ARHGAP12: variants seen among roughly 807,000 people sequenced by gnomAD.
ARHGAP12 encodes the protein Rho GTPase activating protein 12, also known as rho GTPase-activating protein 12.
In ARHGAP12, 64 loss-of-function variants were observed where a neutral mutation model predicts 108.6. That is an observed-to-expected ratio of 0.59 (90% confidence interval 0.48 to 0.73). The LOEUF (loss-of-function observed/expected upper bound fraction) is 0.73. Ranked by LOEUF, ARHGAP12 falls within the 30% of genes least tolerant of loss-of-function variation. The pLI, the probability that ARHGAP12 is intolerant of heterozygous loss-of-function variation, is 0.00. For synonymous variants in ARHGAP12, 312 were observed against 337.2 expected (o/e 0.93, Z 0.82); for missense variants, 940 against 1,005.9 (o/e 0.93, Z 0.89).
intron 3 of ARHGAP12, among the ~76,000 whole-genome samples, chr10:31,901,534 C>T (rs1281368011): frequency 1.6e-5 from 1 of 64,280 alleles, no homozygotes; most frequent in Non-Finnish European, 2.9e-5. Flanking sequence ...AACCTGGTCT[C>T]AAAAAAAAAA....
chr10:31,857,161 G>A (rs1045127921), intron 4 of ARHGAP12, among the ~76,000 whole-genome samples: 5 of 152,050 alleles, frequency 3.3e-5, no homozygotes, highest in African/African-American at 1.2e-4. Flanking sequence ...GCAGGTGAAG[G>A]GAGAGAAAGA....
At chr10:31,814,109 C>T (rs1041485282) in intron 14 of ARHGAP12, 150 bp downstream of exon 14, 10 of 632,838 alleles carry the variant, frequency 1.6e-5, no homozygotes, top group East Asian at 1.4e-4. Flanking sequence ...GAAGAAAGAG[C>T]GCTGACACAC....
intron 15 of ARHGAP12, 197 bp downstream of exon 15, chr10:31,812,510 G>T: frequency 2.7e-6 from 1 of 366,370 alleles, no homozygotes; most frequent in Non-Finnish European, 4.9e-6. Context: ...TGTTATTTAT[G>T]TCTGTCCACT....
rs558646264 is a variant in ARHGAP12, at chr10:31,861,642, T to G, written c.701A>C (p.Asn234Thr). The stretch of plus-strand genomic sequence containing the variant: ...GACAGGAGAATCTGGCCTTCCTTGA[T>G]TTGGAGGTGTGGTTGCCTGTGAAAT... Reference protein sequence around the residue: ...TEQIRATTPPNQGRPDSPVYA... With the variant: ...TEQIRATTPPTQGRPDSPVYA... The change falls in exon 4 of 20, where the codon AAT becomes ACT. Residue 234 changes from asparagine to threonine, a missense_variant. Asn to Thr is a moderately conservative substitution (Grantham distance 65). Transcript: ENST00000344936. The G allele has an allele frequency of 6.2e-7, 1 of 1,605,166 alleles. No individual in the cohort carries two copies. Among genetic ancestry groups the G allele is most frequent in the South Asian group, 1.1e-5 (1 of 89,160 alleles).
At chr10:31,846,561 C>T (rs1836465505) in intron 6 of ARHGAP12, among the ~76,000 whole-genome samples, 1 of 152,178 alleles carries the variant, frequency 6.6e-6, no homozygotes, top group Admixed American at 6.5e-5. Context: ...TCCATGGCTT[C>T]TGATAAGGCA....
chr10:31,881,880 T>TA (rs1363057470), intron 3 of ARHGAP12, among the ~76,000 whole-genome samples: 3 of 150,228 alleles, frequency 2.0e-5, no homozygotes, highest in African/African-American at 7.3e-5. Context: ...GTTTCAAATT[T>TA]AAAAAAACAG....
rs143944591 is a variant in ARHGAP12, at chr10:31,808,482, AC to A, written c.2366+166del. ...CTGTATTCTTCATAGCAAATCATTT[AC>A]CCATGACAGACTGATACTAAAAGGA... On this transcript the variant is annotated intron_variant, in intron 19 of 19. Coordinates refer to ENST00000344936, the MANE Select transcript of ARHGAP12 (RefSeq NM_018287.7). 2.0e-4 allele frequency: 120 copies of A among 587,416 alleles called. No homozygotes were observed. The African/African-American group carries it at 2.1e-3, about 10-fold the overall frequency. The allele number at this position is 587,416 out of a possible 1,614,324, so 36.4% of individuals were successfully genotyped here. A position where few individuals can be genotyped will look rare whatever the true frequency, so the allele number is the denominator to read the frequency against.
intron 3 of ARHGAP12, among the ~76,000 whole-genome samples, chr10:31,887,265 T>C (rs758615054): frequency 1.3e-4 from 20 of 152,122 alleles, no homozygotes; most frequent in Non-Finnish European, 1.9e-4. Flanking sequence ...TACCAAGGTA[T>C]TCACCAAATT....
rs1301906584 is a variant in ARHGAP12, at chr10:31,902,885, T to C, written c.684+5287A>G. 1.3e-5 allele frequency among the ~76,000 whole-genome samples: 2 copies of C among 152,166 alleles called. 1 individual carries two copies. Among genetic ancestry groups the C allele is most frequent in the Admixed American group, 1.3e-4 (2 of 15,268 alleles). On this transcript the variant is annotated intron_variant, in intron 3 of 19. Transcript: ENST00000344936. ...TTTGGATGAAATTAACACTTTTAAA[T>C]GTGGACTGAGAGTAAAGCAGATTGC...
intron 3 of ARHGAP12, among the ~76,000 whole-genome samples, chr10:31,907,171 C>A (rs751303734): frequency 6.6e-6 from 1 of 152,144 alleles, no homozygotes; most frequent in African/African-American, 2.4e-5. Context: ...AATAATCTTA[C>A]AACAGAACTT....
At chr10:31,904,315 G>C (rs180931733) in intron 3 of ARHGAP12, among the ~76,000 whole-genome samples, 1 of 152,230 alleles carries the variant, frequency 6.6e-6, no homozygotes, top group East Asian at 1.9e-4. Flanking sequence ...ACAGCAGCCT[G>C]GATCAATCTA....
chr10:31,904,827 A>G (rs1839063268), intron 3 of ARHGAP12, among the ~76,000 whole-genome samples: 1 of 151,948 alleles, frequency 6.6e-6, no homozygotes, highest in African/African-American at 2.4e-5. Flanking sequence ...GAGTTTCGCC[A>G]TGTTTCTCAA....
chr10:31,824,849 T>C (rs1835548120), intron 11 of ARHGAP12, among the ~76,000 whole-genome samples: 3 of 152,138 alleles, frequency 2.0e-5, no homozygotes, highest in Admixed American at 6.5e-5. Context: ...TAATCTCTTA[T>C]TGCTTCTCCA....
At chr10:31,823,504 T>C (rs547456541) in intron 11 of ARHGAP12, among the ~76,000 whole-genome samples, 1 of 151,776 alleles carries the variant, frequency 6.6e-6, no homozygotes, top group Admixed American at 6.6e-5. Flanking sequence ...ATACGAACCA[T>C]GAATAATTTT....
chr10:31,844,590 G>C (rs1433795729), intron 6 of ARHGAP12, among the ~76,000 whole-genome samples: 1 of 152,096 alleles, frequency 6.6e-6, no homozygotes, highest in Non-Finnish European at 1.5e-5. Flanking sequence ...CTGGAGCGCA[G>C]TGGCATGATC....
intron 4 of ARHGAP12, among the ~76,000 whole-genome samples, chr10:31,860,790 T>C (rs906740204): frequency 3.3e-5 from 5 of 152,206 alleles, no homozygotes; most frequent in Non-Finnish European, 7.3e-5. Context: ...CTAAAAAATG[T>C]CACTGGACAG....
chr10:31,815,669 ATATC>A (rs530932913), intron 13 of ARHGAP12, among the ~76,000 whole-genome samples: 296 of 152,316 alleles, frequency 1.9e-3, no homozygotes, highest in Non-Finnish European at 2.0e-3. Flanking sequence ...GAAGAAAATT[ATATC>A]TTTACATTAT....
At chr10:31,913,160 G>A (rs1270752069) in intron 1 of ARHGAP12, 2 of 152,806 alleles carry the variant, frequency 1.3e-5, no homozygotes, top group Non-Finnish European at 2.9e-5. Context: ...ATCCAAAGAA[G>A]TCAAGAGGCA....
chr10:31,856,099 C>T (rs1328356908), intron 4 of ARHGAP12, among the ~76,000 whole-genome samples: 1 of 152,072 alleles, frequency 6.6e-6, no homozygotes, highest in Non-Finnish European at 1.5e-5. Context: ...ATGGTAGATG[C>T]TCCATTTATA....
Sources: allele counts gnomAD v4.1 joint callset (sites outside exome capture counted in the v4.1 genomes callset), GRCh38; gene constraint gnomAD v4.1.1; transcripts MANE v1.5; gene names NCBI Gene and HGNC (gene_info 2026-07-23, HGNC 2026-07-21).